NFAT5: variants seen among roughly 807,000 people sequenced by gnomAD.
NFAT5 encodes nuclear factor of activated T-cells 5.
A neutral mutation model predicts 166.5 loss-of-function variants in NFAT5; 31 were observed. The observed-to-expected ratio is 0.19, with a 90% confidence interval of 0.14 to 0.25. The LOEUF (loss-of-function observed/expected upper bound fraction) is 0.25. NFAT5 is among the 10% of genes least tolerant of loss of function. The pLI, the probability that NFAT5 is intolerant of heterozygous loss-of-function variation, is 1.00. For missense variants in NFAT5, 1,449 were observed against 1,821.8 expected (o/e 0.80, Z 3.72); for synonymous variants, 612 against 639.7 (o/e 0.96, Z 0.65).
chr16:69,623,157 A>AG (rs1358863315), intron 2 of NFAT5, among the ~76,000 whole-genome samples: 3 of 152,110 alleles, frequency 2.0e-5, no homozygotes, highest in Non-Finnish European at 4.4e-5. Flanking sequence ...AAGAAAAAAA[A>AG]TGGACTTGAG....
chr16:69,688,363 T>C (rs2151711221), intron 11 of NFAT5, among the ~76,000 whole-genome samples: 1 of 151,778 alleles, frequency 6.6e-6, no homozygotes, highest in Admixed American at 6.6e-5. Flanking sequence ...AGACTGTATA[T>C]TTTTATTTTT....
At chr16:69,653,773 T>C (rs538685270) in intron 5 of NFAT5, among the ~76,000 whole-genome samples, 3 of 152,162 alleles carry the variant, frequency 2.0e-5, no homozygotes, top group South Asian at 4.1e-4. Context: ...AGTTTCACCA[T>C]GTTGGCGAGA....
At chr16:69,623,528 A>G (rs1224864166) in intron 2 of NFAT5, among the ~76,000 whole-genome samples, 1 of 149,490 alleles carries the variant, frequency 6.7e-6, no homozygotes, top group Non-Finnish European at 1.5e-5. Context: ...TTTTTTTGAG[A>G]TGGAGTTTCA....
At chr16:69,625,181 GCATGA>G (rs2034399868) in intron 2 of NFAT5, among the ~76,000 whole-genome samples, 2 of 152,130 alleles carry the variant, frequency 1.3e-5, no homozygotes, top group African/African-American at 4.8e-5. Flanking sequence ...GAATTTACAG[GCATGA>G]CCATTGTGCC....
intron 2 of NFAT5, among the ~76,000 whole-genome samples, chr16:69,590,271 G>A (rs2032379944): frequency 6.6e-6 from 1 of 152,158 alleles, no homozygotes; most frequent in African/African-American, 2.4e-5. Flanking sequence ...AAAAACTCTA[G>A]TATTGTAAAT....
intron 14 of NFAT5, 120 bp from the exon 15 acceptor site, chr16:69,696,240 C>A (rs1368564012): frequency 6.6e-6 from 1 of 152,148 alleles, no homozygotes; most frequent in Non-Finnish European, 1.5e-5. Flanking sequence ...TGTGGAAGAT[C>A]AAATATGATA....
In NFAT5 at chr16:69,701,065, C is replaced by A; in HGVS notation, c.*4714C>A. On this transcript the variant is annotated 3_prime_UTR_variant, in exon 15 of 15. Coordinates refer to ENST00000349945, the MANE Select transcript of NFAT5 (RefSeq NM_138713.4). ...GTTCAAGCGATTCTCCTGCCTCAGC[C>A]TCCCAAGTAGCCAGGATTACAGGCA... 1 of 152,456 alleles carries A rather than the reference C, an allele frequency of 6.6e-6. No individual in the cohort carries two copies. The highest frequency in any genetic ancestry group is 1.5e-5 in the Non-Finnish European group (1 of 68,298). The allele number at this position is 152,456 out of a possible 1,614,324, so 9.4% of individuals were successfully genotyped here. A position where few individuals can be genotyped will look rare whatever the true frequency, so the allele number is the denominator to read the frequency against.
At chr16:69,659,552 T>C (rs2036034092) in intron 6 of NFAT5, among the ~76,000 whole-genome samples, 175 bp from the exon 7 acceptor site, 1 of 152,240 alleles carries the variant, frequency 6.6e-6, no homozygotes, top group South Asian at 2.1e-4. Flanking sequence ...TTAGGAACAG[T>C]GGTGAATGTT....
chr16:69,655,842 G>A, intron 6 of NFAT5, 43 bp downstream of exon 6: 2 of 1,450,220 alleles, frequency 1.4e-6, no homozygotes, highest in East Asian at 2.4e-5. Flanking sequence ...TTACACTCTT[G>A]TGTTAGGCAG....
In NFAT5 at chr16:69,584,961, A is replaced by G. The variant is rs560786708; in HGVS notation, c.127+16413A>G. ...ATAAATGTATTGGAAGGGTTTAAAC[A>G]GATGGCAAGTGCTGTCAAAACAGAG... On this transcript the variant is annotated intron_variant, in intron 2 of 14. Coordinates refer to ENST00000349945, the MANE Select transcript of NFAT5 (RefSeq NM_138713.4). Among the ~76,000 whole-genome samples the G allele has an allele frequency of 1.1e-4, 17 of 152,260 alleles. No homozygotes were observed. In the East Asian group the frequency reaches 3.1e-3, roughly 28 times the overall value.
At position 69,655,750 on chromosome 16, in the gene NFAT5, A is replaced by G; in HGVS notation, c.1147A>G (p.Thr383Ala). Residue 383 changes from threonine to alanine, a missense_variant, in exon 6 of 15, where the codon ACT (threonine) becomes GCT (alanine). This residue lies in a region of NFAT5 where 245 missense variants were observed against 366.6 expected (regional missense o/e 0.67). Coordinates refer to ENST00000349945, the MANE Select transcript of NFAT5 (RefSeq NM_138713.4). Reference protein sequence around the residue: ...TPCKEVDIEGTTVIEVGLDPS... With the variant: ...TPCKEVDIEGATVIEVGLDPS... The stretch of plus-strand genomic sequence containing the variant: ...TTGCAAAGAAGTGGACATTGAAGGC[A>G]CTACTGTTATAGAAGTCGGCCTTGA... The G allele has an allele frequency of 6.2e-7, 1 of 1,613,958 alleles. No individual in the cohort carries two copies. Among genetic ancestry groups the G allele is most frequent in the Non-Finnish European group, 8.5e-7 (1 of 1,179,910 alleles).
chr16:69,644,876 T>C (rs773465218), intron 3 of NFAT5: 1 of 453,254 alleles, frequency 2.2e-6, no homozygotes, highest in Non-Finnish European at 4.4e-6. Flanking sequence ...AGAAAGTTGC[T>C]TTATAGAAAT....
Position 69,693,157 on chromosome 16 carries a change from T to A in NFAT5, c.3332T>A (p.Phe1111Tyr), listed in dbSNP as rs893228596. 1 of 1,614,120 alleles carries A rather than the reference T, an allele frequency of 6.2e-7. No individual in the cohort carries two copies. The highest frequency in any genetic ancestry group is 1.3e-5 in the African/African-American group (1 of 75,016). Residue 1111 changes from phenylalanine to tyrosine, a missense_variant, in exon 13 of 15, where the codon TTT (phenylalanine) becomes TAT (tyrosine). Around this residue, in one of 7 missense-constraint regions of NFAT5, gnomAD observed 891 missense variants for 993.0 expected, o/e 0.90. Coordinates refer to ENST00000349945, the MANE Select transcript of NFAT5 (RefSeq NM_138713.4). ...TCCCAGGAAACTCAAGGTTCTCTCT[T>A]TCATAGTCCAAATCCTATTGTCCAC... ...NLSQETQGSL[F>Y]HSPNPIVHSQ...
At chr16:69,591,693 C>T (rs2032470170) in intron 2 of NFAT5, among the ~76,000 whole-genome samples, 1 of 152,022 alleles carries the variant, frequency 6.6e-6, no homozygotes. Flanking sequence ...TTTGGGTGTT[C>T]AAGATATTTT....
At chr16:69,636,736 AGCATGGGGAC>A (rs1233098745) in intron 3 of NFAT5, among the ~76,000 whole-genome samples, 3 of 152,152 alleles carry the variant, frequency 2.0e-5, no homozygotes, top group Non-Finnish European at 4.4e-5. Context: ...GGCCACACAC[AGCATGGGGAC>A]CCTGGGCCCA....
rs1320158328 is a variant in NFAT5, at chr16:69,693,692, T to C, written c.3867T>C (p.Ser1289=). 1 of 1,614,222 alleles carries C rather than the reference T, an allele frequency of 6.2e-7. No individual in the cohort carries two copies. The highest frequency in any genetic ancestry group is 8.5e-7 in the Non-Finnish European group (1 of 1,180,042). ...AACAACAACAGAGCATTTTATTCAGTAATCAGAATACCATGGCTACAATGG... is the reference window on the plus strand; with the variant it reads ...AACAACAACAGAGCATTTTATTCAGCAATCAGAATACCATGGCTACAATGG... ...QQQQQQSILF[S]NQNTMATMAS... is the part of the protein sequence containing the mutation. The change falls in exon 13 of 15, where the codon AGT becomes AGC. Residue 1289 remains serine, a synonymous_variant. Transcript: ENST00000349945.
chr16:69,568,245 G>A (rs1322973441), intron 1 of NFAT5, among the ~76,000 whole-genome samples: 1 of 152,184 alleles, frequency 6.6e-6, no homozygotes, highest in South Asian at 2.1e-4. Context: ...ACTTGAATCC[G>A]GGAGGCGGAG....
chr16:69,695,295 C>T lies in NFAT5; in HGVS notation c.4574C>T (p.Thr1525Ile), dbSNP rs772080402. ...TCTCCACTGGCATCCTCTATAAACA[C>T]CAACCAGAACATCGAAAAGATTGAT... is the stretch of plus-strand genomic sequence containing the variant. Reference protein sequence around the residue: ...ENSPLASSINTNQNIEKIDLL... With the variant: ...ENSPLASSININQNIEKIDLL... Residue 1525 changes from threonine to isoleucine, a missense_variant, in exon 14 of 15, where the codon ACC (threonine) becomes ATC (isoleucine). By Grantham distance (89) the Thr-to-Ile change is moderately conservative (BLOSUM62 -1). Coordinates refer to ENST00000349945, the MANE Select transcript of NFAT5 (RefSeq NM_138713.4). 3.4e-5 allele frequency: 55 copies of T among 1,614,138 alleles called. No homozygotes were observed. The highest frequency in any genetic ancestry group is 4.5e-5 in the Non-Finnish European group (53 of 1,180,022).
At chr16:69,649,061 T>C in intron 4 of NFAT5, 1 of 853,794 alleles carries the variant, frequency 1.2e-6, no homozygotes, top group Non-Finnish European at 1.4e-6. Flanking sequence ...AAATAAGATA[T>C]ACTCTTTCCT....
Sources: allele counts gnomAD v4.1 joint callset (sites outside exome capture counted in the v4.1 genomes callset), GRCh38; gene constraint gnomAD v4.1.1; regional missense constraint gnomAD v4.1.1; transcripts MANE v1.5; gene names NCBI Gene and HGNC (gene_info 2026-07-23, HGNC 2026-07-21).